The following PHACTR2 variants were observed in gnomAD, a reference collection of about 807,000 sequenced individuals.
The protein encoded by PHACTR2 is phosphatase and actin regulator 2.
PHACTR2 carries 30 observed loss-of-function variants against 76.0 expected under a neutral mutation model. The observed-to-expected ratio is 0.39, with a 90% CI of 0.30 to 0.54. PHACTR2 has a LOEUF of 0.54. Ranked by LOEUF, PHACTR2 falls within the 20% of genes least tolerant of loss-of-function variation. PHACTR2 has a pLI of 0.61. For missense variants in PHACTR2, 696 were observed against 781.1 expected, an observed-to-expected ratio of 0.89 and a Z score of 1.30; for synonymous variants, 292 against 292.5, an observed-to-expected ratio of 1.00 and a Z score of 0.02.
chr6:143,713,676 C>G (rs367617265), intron 2 of PHACTR2, among the ~76,000 whole-genome samples: 1 of 152,252 alleles, frequency 6.6e-6, no homozygotes, highest in South Asian at 2.1e-4. Context: ...GTGCTAAACT[C>G]GGAGGTGCTT....
In PHACTR2 at chr6:143,591,620, C is replaced by T. The variant is rs1775693436; in HGVS notation, c.217+54413C>T. On this transcript the variant is annotated intron_variant, in intron 1 of 11. Coordinates refer to the PHACTR2 transcript ENST00000367584. This position sits in a 1 kb window ranked among gnomAD's most constrained non-coding sequence, Gnocchi z 6.4. ...TGACACAACAGTGACCTCCATGAACCTCTTGCCTAGGGCTGTGAAGGCCAA... is the reference window on the plus strand; with the variant it reads ...TGACACAACAGTGACCTCCATGAACTTCTTGCCTAGGGCTGTGAAGGCCAA... Among the ~76,000 whole-genome samples the T allele has an allele frequency of 6.6e-6, 1 of 152,196 alleles. No individual in the cohort carries two copies. The highest frequency in any genetic ancestry group is 1.5e-5 in the Non-Finnish European group (1 of 68,040).
chr6:143,720,359 A>G (rs1778411363), intron 2 of PHACTR2, among the ~76,000 whole-genome samples: 1 of 152,136 alleles, frequency 6.6e-6, no homozygotes, highest in African/African-American at 2.4e-5. Flanking sequence ...AAAGCAAGGA[A>G]TTGGAGTAGA....
chr6:143,592,722 G>T lies in PHACTR2; in HGVS notation c.217+55515G>T, dbSNP rs182308580. Among the ~76,000 whole-genome samples the T allele has an allele frequency of 1.2e-4, 19 of 152,096 alleles. No homozygotes were observed. Among genetic ancestry groups the T allele is most frequent in the African/African-American group, 4.3e-4 (18 of 41,492 alleles). On this transcript the variant is annotated intron_variant, in intron 1 of 11. Transcript: ENST00000367584. This position sits in a 1 kb window ranked among gnomAD's most constrained non-coding sequence, Gnocchi z 4.0. ...ATCCCCAGTTCATTCCATATTCATT[G>T]TCTACATTACACAAATTAGCTATTG...
In PHACTR2 at chr6:143,671,529, C is replaced by G. The variant is rs1007708807; in HGVS notation, c.14-40487C>G. 6.6e-6 allele frequency among the ~76,000 whole-genome samples: 1 copy of G among 152,202 alleles called. No individual in the cohort carries two copies. Among genetic ancestry groups the G allele is most frequent in the Non-Finnish European group, 1.5e-5 (1 of 68,034 alleles). Reference sequence around the variant, plus strand: ...TCTCTTACTCTTCTGAATTTCATAGCACTTTTCATCTTCTAAATTGTTATA... The same window carrying G: ...TCTCTTACTCTTCTGAATTTCATAGGACTTTTCATCTTCTAAATTGTTATA... On this transcript the variant is annotated intron_variant, in intron 1 of 11. Coordinates refer to the PHACTR2 transcript ENST00000305766. This position sits in a 1 kb window ranked among gnomAD's most constrained non-coding sequence, Gnocchi z 4.6.
At chr6:143,586,453 C>T (rs9390117) in intron 1 of PHACTR2, among the ~76,000 whole-genome samples, 107,568 of 151,836 alleles carry the variant, frequency 0.71, 38,354 homozygotes, top group Middle Eastern at 0.79. Context: ...AGGCAAGTCC[C>T]AAAGTGGAGC....
chr6:143,717,964 T>C (rs1417897331), intron 2 of PHACTR2, among the ~76,000 whole-genome samples: 2 of 152,230 alleles, frequency 1.3e-5, no homozygotes, highest in African/African-American at 4.8e-5. Flanking sequence ...ATTACAGCCA[T>C]GTACCACTGT....
rs897248928 is a variant in PHACTR2, at chr6:143,809,410, T to C, written c.1922+2277T>C. ...TTTTTTAGTAGAGATGAGGTCTTGCTATGTTGCCCAGGCTGGTCTTGAAGT... is the reference window on the plus strand; with the variant it reads ...TTTTTTAGTAGAGATGAGGTCTTGCCATGTTGCCCAGGCTGGTCTTGAAGT... On this transcript the variant is annotated intron_variant, in intron 12 of 12. Transcript: ENST00000440869. This position sits in a 1 kb window ranked among gnomAD's most constrained non-coding sequence, Gnocchi z 4.2. Among the ~76,000 whole-genome samples the C allele has an allele frequency of 2.0e-5, 3 of 152,054 alleles. No homozygotes were observed. The highest frequency in any genetic ancestry group is 2.9e-5 in the Non-Finnish European group (2 of 68,004).
chr6:143,734,881 G>A (rs934777655), intron 2 of PHACTR2, among the ~76,000 whole-genome samples: 1 of 152,116 alleles, frequency 6.6e-6, no homozygotes, highest in African/African-American at 2.4e-5. Context: ...AGCCCTTCTG[G>A]CCTGGGTCAG....
Position 143,760,578 on chromosome 6 carries a change from C to G in PHACTR2, c.632C>G (p.Pro211Arg). 2 of 1,613,924 alleles carry G rather than the reference C, an allele frequency of 1.2e-6. No individual in the cohort carries two copies. The highest frequency in any genetic ancestry group is 1.7e-6 in the Non-Finnish European group (2 of 1,179,858). ...CCCATTAAAAAAAATACCAAGGCTCCTGGTAAGCAGGCCCCCGTCCCTCCA... is the reference window on the plus strand; with the variant it reads ...CCCATTAAAAAAAATACCAAGGCTCGTGGTAAGCAGGCCCCCGTCCCTCCA... Reference protein sequence around the residue: ...VPPIKKNTKAPGKQAPVPPPK... With the variant: ...VPPIKKNTKARGKQAPVPPPK... Residue 211 changes from proline to arginine, a missense_variant, in exon 5 of 13, where the codon CCT becomes CGT. Around this residue, in one of 2 missense-constraint regions of PHACTR2, gnomAD observed 460 missense variants for 450.9 expected, o/e 1.02. Coordinates refer to ENST00000440869, the MANE Select transcript of PHACTR2 (RefSeq NM_001100164.2). The surrounding 1 kb of genome is among the most constrained non-coding windows in gnomAD (Gnocchi z 6.4).
In PHACTR2 at chr6:143,629,321, C is replaced by T. The variant is rs541613161; in HGVS notation, c.13+20999C>T. On this transcript the variant is annotated intron_variant, in intron 1 of 11. Coordinates refer to the PHACTR2 transcript ENST00000305766. ...GAAAGAGCAGAACATATTTTTGGCA[C>T]TCAGTCTAAATTTTTCCTTTCAGTG... Among the ~76,000 whole-genome samples the T allele has an allele frequency of 1.7e-3, 264 of 152,122 alleles. 1 individual carries two copies. The highest frequency in any genetic ancestry group is 6.1e-3 in the African/African-American group (255 of 41,490).
chr6:143,790,333 G>A (rs961350576), intron 11 of PHACTR2, among the ~76,000 whole-genome samples: 4 of 152,078 alleles, frequency 2.6e-5, no homozygotes, highest in Admixed American at 6.5e-5. Context: ...AAAGGGAGAG[G>A]TTGAACATAC....
chr6:143,805,202 G>A (rs2003729), intron 11 of PHACTR2, among the ~76,000 whole-genome samples: 89,039 of 151,974 alleles, frequency 0.59, 26,367 homozygotes, highest in East Asian at 0.69. Context: ...CCTTTCGGCC[G>A]GGCACGGTGG....
At chr6:143,635,439 A>C (rs994534299) in intron 1 of PHACTR2, among the ~76,000 whole-genome samples, 1 of 152,118 alleles carries the variant, frequency 6.6e-6, no homozygotes, top group Non-Finnish European at 1.5e-5. Flanking sequence ...TCAAAGTTGG[A>C]ATTGTGGGAT....
chr6:143,665,805 T>C (rs930902093), intron 1 of PHACTR2, among the ~76,000 whole-genome samples: 1 of 152,226 alleles, frequency 6.6e-6, no homozygotes, highest in East Asian at 1.9e-4. Flanking sequence ...CCAGATCATG[T>C]TATTACTTTG....
At position 143,749,585 on chromosome 6, in the gene PHACTR2, C is replaced by T. The variant is rs554055309; in HGVS notation, c.295+520C>T. ...GCAAACTAAACTAACCTGCTTTCTGCTTTCTCTCATGTAATTTTGCAGTAC... is the reference window on the plus strand; with the variant it reads ...GCAAACTAAACTAACCTGCTTTCTGTTTTCTCTCATGTAATTTTGCAGTAC... On this transcript the variant is annotated intron_variant, in intron 3 of 12. Transcript: ENST00000440869. 1.7e-4 allele frequency among the ~76,000 whole-genome samples: 26 copies of T among 149,084 alleles called. No individual in the cohort carries two copies. In the East Asian group the frequency reaches 4.4e-3, roughly 25 times the overall value.
rs1398942842 is a variant in PHACTR2, at chr6:143,821,363, A to G, written c.1923-2311A>G. Among the ~76,000 whole-genome samples the G allele has an allele frequency of 1.3e-5, 2 of 152,210 alleles. No individual in the cohort carries two copies. Among genetic ancestry groups the G allele is most frequent in the Non-Finnish European group, 2.9e-5 (2 of 68,032 alleles). ...CTCCTCAGTTATCAATTCGTGGCCC[A>G]TCTCATTTCACCTGCTCTTATTTTT... On this transcript the variant is annotated intron_variant, in intron 12 of 12. Transcript: ENST00000440869. The surrounding 1 kb of genome is among the most constrained non-coding windows in gnomAD (Gnocchi z 5.2).
chr6:143,600,943 A>T (rs975568336), intron 1 of PHACTR2, among the ~76,000 whole-genome samples: 3 of 152,218 alleles, frequency 2.0e-5, no homozygotes, highest in Admixed American at 6.5e-5. Context: ...GAATGAAGAG[A>T]TGACACATGA....
Position 143,766,524 on chromosome 6 carries a change from G to A in PHACTR2, c.1232+726G>A, listed in dbSNP as rs141683133. Among the ~76,000 whole-genome samples, 119 of 152,322 alleles carry A rather than the reference G, an allele frequency of 7.8e-4. 1 individual carries two copies. Among genetic ancestry groups the A allele is most frequent in the African/African-American group, 2.7e-3 (112 of 41,578 alleles). ...TAAAGTCAGCCTACTTTAACATTGC[G>A]GAAGCAGCATTGAAGATAAGATGAC... On this transcript the variant is annotated intron_variant, in intron 6 of 12. Transcript: ENST00000440869.
rs565433503 is a variant in PHACTR2, at chr6:143,596,987, T to C, written c.217+59780T>C. Among the ~76,000 whole-genome samples the C allele has an allele frequency of 4.6e-4, 70 of 152,330 alleles. 1 individual carries two copies. In the South Asian group the frequency reaches 0.014, roughly 30 times the overall value. ...CTGCCTGTGTCTTGCAACAGCCCTATTGCTGCCAGCACAGCCCTCCTGCCT... is the reference window on the plus strand; with the variant it reads ...CTGCCTGTGTCTTGCAACAGCCCTACTGCTGCCAGCACAGCCCTCCTGCCT... On this transcript the variant is annotated intron_variant, in intron 1 of 11. Transcript: ENST00000367584. This position sits in a 1 kb window ranked among gnomAD's most constrained non-coding sequence, Gnocchi z 4.6.
Sources: allele counts gnomAD v4.1 joint callset (sites outside exome capture counted in the v4.1 genomes callset), GRCh38; gene constraint gnomAD v4.1.1; regional missense constraint gnomAD v4.1.1; non-coding constraint Gnocchi (gnomAD v3.1); transcripts MANE v1.5; gene names NCBI Gene and HGNC (gene_info 2026-07-23, HGNC 2026-07-21).